The following SLC7A14 variants were observed in gnomAD, a reference collection of about 807,000 sequenced individuals.
SLC7A14 encodes the protein solute carrier family 7 member 14, also known as gamma-aminobutyric acid transporter SLC7A14.
Under a neutral mutation model 60.2 loss-of-function variants are expected in SLC7A14, and 37 were observed. The ratio of observed to expected loss-of-function variants is 0.61; its 90% CI spans 0.47 to 0.81. SLC7A14 has a LOEUF of 0.81. Among genes scored for constraint, SLC7A14 ranks in the 30% least tolerant of loss-of-function variants. The pLI, the probability that SLC7A14 is intolerant of heterozygous loss-of-function variation, is 0.00. For missense variants in SLC7A14, 886 were observed against 982.7 expected, an observed-to-expected ratio of 0.90 and a Z score of 1.32; for synonymous variants, 399 against 395.8, an observed-to-expected ratio of 1.01 and a Z score of -0.10.
Position 170,526,792 on chromosome 3 carries a change from G to T in SLC7A14, c.145C>A (p.Leu49Ile). 6.2e-7 allele frequency: 1 copy of T among 1,614,246 alleles called. No homozygotes were observed. Among genetic ancestry groups the T allele is most frequent in the Non-Finnish European group, 8.5e-7 (1 of 1,180,042 alleles). Residue 49 changes from leucine to isoleucine, a missense_variant, in exon 2 of 8, where the codon CTA becomes ATA. Leu to Ile is a conservative substitution (Grantham distance 5). Transcript: ENST00000231706. ...TGTTTAHGTKLAQVLTTVDLI... is the reference protein window; with the variant it reads ...TGTTTAHGTKIAQVLTTVDLI... ...TCCACTGTGGTGAGTACCTGGGCTA[G>T]CTTAGTTCCATGTGCCGTGGTGGTC...
chr3:170,483,255 A>T, intron 6 of SLC7A14, 59 bp downstream of exon 6: 1 of 1,581,422 alleles, frequency 6.3e-7, no homozygotes. Context: ...CAGTGGGTAG[A>T]CATTCTCCCT....
At chr3:170,538,807 T>C (rs949282699) in intron 1 of SLC7A14, among the ~76,000 whole-genome samples, 3 of 152,180 alleles carry the variant, frequency 2.0e-5, no homozygotes, top group Non-Finnish European at 4.4e-5. Flanking sequence ...TACAAGGAAG[T>C]CTCCCCACTG....
intron 1 of SLC7A14, among the ~76,000 whole-genome samples, chr3:170,530,182 G>T (rs1010934807): frequency 6.6e-6 from 1 of 152,170 alleles, no homozygotes; most frequent in Non-Finnish European, 1.5e-5. Flanking sequence ...ATAAAATGGG[G>T]GTGATAAAGG....
chr3:170,546,391 C>A lies in SLC7A14; in HGVS notation c.-152-19303G>T, dbSNP rs1254923762. Among the ~76,000 whole-genome samples, 8 of 151,834 alleles carry A rather than the reference C, an allele frequency of 5.3e-5. No homozygotes were observed. The South Asian group carries it at 1.7e-3, about 31-fold the overall frequency. Reference sequence around the variant, plus strand: ...TGCTTCCAATTTCCCTGTGACACACCCTGGACTTGGTAGGTCTCAATGGTG... The same window carrying A: ...TGCTTCCAATTTCCCTGTGACACACACTGGACTTGGTAGGTCTCAATGGTG... On this transcript the variant is annotated intron_variant, in intron 1 of 7. Transcript: ENST00000231706.
At chr3:170,496,115 T>C in intron 4 of SLC7A14, 2 of 1,054,170 alleles carry the variant, frequency 1.9e-6, no homozygotes, top group African/African-American at 1.6e-5. Context: ...GGCAACTGCA[T>C]GAAGAGGAGA....
At chr3:170,574,604 T>C (rs566613486) in intron 1 of SLC7A14, among the ~76,000 whole-genome samples, 1 of 152,250 alleles carries the variant, frequency 6.6e-6, no homozygotes, top group African/African-American at 2.4e-5. Flanking sequence ...GACCAGAAAG[T>C]ATGTCAAACT....
At chr3:170,505,099 G>A (rs1712734466) in intron 2 of SLC7A14, among the ~76,000 whole-genome samples, 1 of 151,970 alleles carries the variant, frequency 6.6e-6, no homozygotes, top group African/African-American at 2.4e-5. Flanking sequence ...TACACACAAA[G>A]CATTTTTTTT....
chr3:170,496,575 C>G (rs1472394049), intron 4 of SLC7A14: 17 of 1,598,290 alleles, frequency 1.1e-5, no homozygotes, highest in Non-Finnish European at 1.4e-5. Context: ...GAACGTCAAA[C>G]TGGCCCTGGA....
intron 4 of SLC7A14, among the ~76,000 whole-genome samples, chr3:170,497,511 C>T (rs1712447001): frequency 6.6e-6 from 1 of 152,216 alleles, no homozygotes. Context: ...AAAAACCAGC[C>T]TAAGCAAAAG....
At chr3:170,565,517 T>G (rs1714766123) in intron 1 of SLC7A14, among the ~76,000 whole-genome samples, 1 of 152,172 alleles carries the variant, frequency 6.6e-6, no homozygotes. Context: ...TCTTTGATAC[T>G]TTTCCTAGGA....
At chr3:170,480,268 G>C (rs375078323) in intron 7 of SLC7A14, 21 bp downstream of exon 7, 46 of 1,516,664 alleles carry the variant, frequency 3.0e-5, no homozygotes, top group South Asian at 2.7e-5. Context: ...AACTCTTAAG[G>C]CTCCAAAGGA....
chr3:170,509,669 G>A (rs1010117102), intron 2 of SLC7A14, among the ~76,000 whole-genome samples: 1 of 148,986 alleles, frequency 6.7e-6, no homozygotes, highest in Non-Finnish European at 1.5e-5. Flanking sequence ...AATTAGCCTG[G>A]TGTGGTGGTG....
At chr3:170,490,910 A>G (rs1712194754) in intron 4 of SLC7A14, among the ~76,000 whole-genome samples, 1 of 152,248 alleles carries the variant, frequency 6.6e-6, no homozygotes, top group Non-Finnish European at 1.5e-5. Flanking sequence ...AGTAAATATT[A>G]GCTCTTACCA....
chr3:170,562,487 G>T (rs1714680188), intron 1 of SLC7A14, among the ~76,000 whole-genome samples: 1 of 151,728 alleles, frequency 6.6e-6, no homozygotes, highest in African/African-American at 2.4e-5. Context: ...TGGGGACTCA[G>T]TGGGGAGGGT....
intron 4 of SLC7A14, among the ~76,000 whole-genome samples, chr3:170,498,257 C>A (rs1712471248): frequency 6.6e-6 from 1 of 152,204 alleles, no homozygotes; most frequent in Admixed American, 6.5e-5. Flanking sequence ...CTGCCACTTA[C>A]ATTGTGTGTT....
intron 1 of SLC7A14, among the ~76,000 whole-genome samples, chr3:170,567,837 C>T (rs1401496469): frequency 2.6e-5 from 4 of 151,352 alleles, no homozygotes; most frequent in Non-Finnish European, 5.9e-5. Flanking sequence ...ATGTCCTTTG[C>T]CCACTTTTTG....
At position 170,461,919 on chromosome 3, in the gene SLC7A14, T is replaced by A. The variant is rs576392485; in HGVS notation, c.*5136A>T. 6.5e-6 allele frequency: 1 copy of A among 152,722 alleles called. No individual in the cohort carries two copies. The highest frequency in any genetic ancestry group is 2.1e-4 in the South Asian group (1 of 4,820). The allele number at this position is 152,722 out of a possible 1,614,324, so 9.5% of individuals were successfully genotyped here. On this transcript the variant is annotated 3_prime_UTR_variant, in exon 8 of 8. Coordinates refer to ENST00000231706, the MANE Select transcript of SLC7A14 (RefSeq NM_020949.3). ...CTGGCACACAGCCCTCGTGGCGACT[T>A]CTGGATGTGTTTCCTTTGCTCTCCT...
chr3:170,471,669 C>G (rs1053294675), intron 7 of SLC7A14, among the ~76,000 whole-genome samples: 6 of 152,146 alleles, frequency 3.9e-5, no homozygotes, highest in African/African-American at 7.2e-5. Context: ...AAGATGGTCA[C>G]TGGGAACGGC....
chr3:170,582,304 A>G lies in SLC7A14; in HGVS notation c.-153+3607T>C, dbSNP rs146969243. Among the ~76,000 whole-genome samples the G allele has an allele frequency of 1.0e-3, 154 of 152,260 alleles. 1 individual carries two copies. The highest frequency in any genetic ancestry group is 3.5e-3 in the African/African-American group (146 of 41,556). ...AGTACTGTCTAAAGCAGCATTTTTC[A>G]ACACAACTTTCTTAAATGATAAAAA... On this transcript the variant is annotated intron_variant, in intron 1 of 7. Transcript: ENST00000231706.
Sources: gnomAD v4.1 joint callset for allele counts (sites outside exome capture counted in the v4.1 genomes callset) on GRCh38, gnomAD v4.1.1 for gene constraint, MANE v1.5 for transcripts, NCBI Gene and HGNC (gene_info 2026-07-23, HGNC 2026-07-21) for gene names.